Variants in ZNF717 observed in about 807,000 individuals in gnomAD.
ZNF717 encodes the protein zinc finger protein 717.
In ZNF717, 9 loss-of-function variants were observed where a neutral mutation model predicts 13.8. The observed-to-expected ratio is 0.65, with a 90% CI of 0.39 to 1.14. The LOEUF (loss-of-function observed/expected upper bound fraction) is 1.14, where lower values mean the gene tolerates loss of function less well. Among genes scored for constraint, ZNF717 ranks in the 50% most tolerant of loss-of-function variants. The pLI is 0.01. For missense variants in ZNF717, 1,040 were observed against 1,080.7 expected, an observed-to-expected ratio of 0.96 and a Z score of 0.53; for synonymous variants, 327 against 364.1, an observed-to-expected ratio of 0.90 and a Z score of 1.16.
Position 75,741,681 on chromosome 3 carries a change from T to G in ZNF717, c.113A>C (p.Asp38Ala). Residue 38 changes from aspartate to alanine, a missense_variant, in exon 3 of 5, where the codon GAC becomes GCC. Asp to Ala is a moderately radical substitution (Grantham distance 126). Coordinates refer to ENST00000652011, the MANE Select transcript of ZNF717 (RefSeq NM_001290208.3). ...AVHFTWEEWQDLDDAQRTLYR... is the reference protein window; with the variant it reads ...AVHFTWEEWQALDDAQRTLYR... ...CAGGGTCCTCTGAGCATCATCCAGG[T>G]CCTGCCACTCCTCCCAGGTGAAGTG... 6.3e-7 allele frequency: 1 copy of G among 1,594,138 alleles called. No individual in the cohort carries two copies. Among genetic ancestry groups the G allele is most frequent in the East Asian group, 2.3e-5 (1 of 44,076 alleles).
chr3:75,741,792 C>A, intron 2 of ZNF717, 56 bp from the exon 3 acceptor site: 1 of 1,545,648 alleles, frequency 6.5e-7, no homozygotes, highest in Non-Finnish European at 8.7e-7. Flanking sequence ...GTACAGGGTC[C>A]TCTAAGCATC....
At chr3:75,757,938 C>T (rs1214250190) in intron 2 of ZNF717, among the ~76,000 whole-genome samples, 1 of 147,332 alleles carries the variant, frequency 6.8e-6, no homozygotes, top group Admixed American at 6.9e-5. Context: ...CATAGTGAAA[C>T]CCTGTCTCTA....
At chr3:75,727,319 A>T (rs1482474462), downstream of ZNF717, among the ~76,000 whole-genome samples, 2 of 152,246 alleles carry the variant, frequency 1.3e-5, no homozygotes, top group African/African-American at 4.8e-5. Flanking sequence ...AAAGAACAGA[A>T]TAACAGCGAT....
chr3:75,731,610 C>T (rs1938560116), downstream of ZNF717, among the ~76,000 whole-genome samples: 1 of 151,522 alleles, frequency 6.6e-6, no homozygotes, highest in Non-Finnish European at 1.5e-5. Flanking sequence ...TCCACCTTAA[C>T]AACACATGAA....
chr3:75,749,163 C>T (rs1321056969), intron 2 of ZNF717, among the ~76,000 whole-genome samples: 3 of 151,720 alleles, frequency 2.0e-5, no homozygotes, highest in Admixed American at 1.3e-4. Flanking sequence ...AATGGTTTGT[C>T]CCCCGCATAG....
intron 6 of ZNF717, among the ~76,000 whole-genome samples, chr3:75,704,120 T>C (rs1367887707): frequency 6.6e-6 from 1 of 152,312 alleles, no homozygotes; most frequent in Non-Finnish European, 1.5e-5. Context: ...CCAAGTTTAA[T>C]TATAACTCTT....
Position 75,738,032 on chromosome 3 carries a change from C to T in ZNF717, c.1591G>A (p.Gly531Arg), listed in dbSNP as rs1939678608. Residue 531 changes from glycine (G) to arginine (R), a missense_variant, in exon 5 of 5, where the codon GGG becomes AGG. By Grantham distance (125) the Gly-to-Arg change is moderately radical. Transcript: ENST00000652011. The stretch of plus-strand genomic sequence containing the variant: ...TCGTTACATGCGTATGGTTTTTCCC[C>T]AGCATGAGTTCTCTGATGGACAGTG... ...FLTVHQRTHA[G>R]EKPYACNECG... 4.5e-6 allele frequency: 6 copies of T among 1,342,544 alleles called. No homozygotes were observed. The highest frequency in any genetic ancestry group is 6.0e-6 in the Non-Finnish European group (6 of 1,006,430). 83.2% of individuals were successfully genotyped at this position (1,342,544 alleles called of 1,614,324 possible).
chr3:75,733,683 G>A (rs1440245815), downstream of ZNF717, among the ~76,000 whole-genome samples: 2 of 144,942 alleles, frequency 1.4e-5, no homozygotes. Context: ...GGAGGCTGAG[G>A]CAGGAGAATG....
intron 2 of ZNF717, among the ~76,000 whole-genome samples, chr3:75,777,763 G>GA (rs1944449282): frequency 6.9e-6 from 1 of 145,890 alleles, no homozygotes; most frequent in African/African-American, 2.5e-5. Flanking sequence ...GCTAAAACCG[G>GA]AACCCAAAAC....
chr3:75,761,009 C>G (rs1559653104), intron 2 of ZNF717, among the ~76,000 whole-genome samples: 1 of 149,376 alleles, frequency 6.7e-6, no homozygotes, highest in East Asian at 2.0e-4. Context: ...CTAATGTGAG[C>G]AAACCATATG....
chr3:75,771,447 A>G (rs1943860699), intron 2 of ZNF717, among the ~76,000 whole-genome samples: 3 of 152,198 alleles, frequency 2.0e-5, no homozygotes, highest in South Asian at 2.1e-4. Context: ...ATTCAGCTGA[A>G]GATTTTCTTT....
chr3:75,728,409 G>T (rs1938339576), downstream of ZNF717, among the ~76,000 whole-genome samples: 4 of 152,314 alleles, frequency 2.6e-5, no homozygotes, highest in South Asian at 8.3e-4. Flanking sequence ...AGGGGAAAGG[G>T]TGAAATATTG....
At chr3:75,751,580 A>G (rs2918580) in intron 2 of ZNF717, among the ~76,000 whole-genome samples, 107,336 of 150,146 alleles carry the variant, frequency 0.71, 39,429 homozygotes, top group East Asian at 0.8. Context: ...ACACCAGAAC[A>G]CGCCTGTTGT....
downstream of ZNF717, among the ~76,000 whole-genome samples, chr3:75,709,341 G>T (rs1575715105): frequency 6.6e-6 from 1 of 152,038 alleles, no homozygotes; most frequent in South Asian, 2.1e-4. Flanking sequence ...TGAACTCTGG[G>T]TGAGAACTTA....
chr3:75,762,735 C>G (rs1265179064), intron 2 of ZNF717, among the ~76,000 whole-genome samples: 1 of 151,924 alleles, frequency 6.6e-6, no homozygotes, highest in Non-Finnish European at 1.5e-5. Context: ...TCTCCAGGGC[C>G]CATGAATAGG....
In ZNF717 at chr3:75,736,698, T is replaced by G. The variant is rs1575752528; in HGVS notation, c.*180A>C. On this transcript the variant is annotated 3_prime_UTR_variant, in exon 5 of 5. Coordinates refer to ENST00000652011, the MANE Select transcript of ZNF717 (RefSeq NM_001290208.3). ...AACAGCCATATCTGTGACATTAAAGTGCAAAGTGTGCTGTAAAAATGGGAA... is the reference window on the plus strand; with the variant it reads ...AACAGCCATATCTGTGACATTAAAGGGCAAAGTGTGCTGTAAAAATGGGAA... 1 of 615,702 alleles carries G rather than the reference T, an allele frequency of 1.6e-6. No individual in the cohort carries two copies. The highest frequency in any genetic ancestry group is 2.7e-6 in the Non-Finnish European group (1 of 368,344). The allele number at this position is 615,702 out of a possible 1,614,324, so 38.1% of individuals were successfully genotyped here. A position where few individuals can be genotyped will look rare whatever the true frequency, so the allele number is the denominator to read the frequency against.
intron 2 of ZNF717, among the ~76,000 whole-genome samples, chr3:75,762,842 A>G (rs1462030165): frequency 2.0e-5 from 3 of 152,216 alleles, no homozygotes; most frequent in African/African-American, 4.8e-5. Context: ...ATAAAGACAC[A>G]CGAGAAACTT....
intron 4 of ZNF717, among the ~76,000 whole-genome samples, chr3:75,722,504 A>C (rs1388462794): frequency 6.6e-6 from 1 of 152,060 alleles, no homozygotes; most frequent in Non-Finnish European, 1.5e-5. Context: ...GAGGTTGTAG[A>C]AAGGAAGAAT....
chr3:75,725,704 T>C (rs1254988276), downstream of ZNF717, among the ~76,000 whole-genome samples: 1 of 152,202 alleles, frequency 6.6e-6, no homozygotes, highest in Non-Finnish European at 1.5e-5. Flanking sequence ...AGAGAGAGCA[T>C]GTGTAGGGGA....
Sources: gnomAD v4.1 joint callset for allele counts (sites outside exome capture counted in the v4.1 genomes callset) on GRCh38, gnomAD v4.1.1 for gene constraint, MANE v1.5 for transcripts, NCBI Gene and HGNC (gene_info 2026-07-23, HGNC 2026-07-21) for gene names.